SORCS3: variants seen among roughly 807,000 people sequenced by gnomAD.
SORCS3 encodes VPS10 domain-containing receptor SorCS3.
SORCS3 carries 57 observed loss-of-function variants against 146.3 expected under a neutral mutation model. The ratio of observed to expected loss-of-function variants is 0.39; its 90% CI spans 0.31 to 0.49. The LOEUF (loss-of-function observed/expected upper bound fraction) is 0.49. Ranked by LOEUF, SORCS3 falls within the 20% of genes least tolerant of loss-of-function variation. The pLI, the probability that SORCS3 is intolerant of heterozygous loss-of-function variation, is 0.92. For missense variants in SORCS3, 1,341 were observed against 1,575.5 expected, an observed-to-expected ratio of 0.85 and a Z score of 2.52; for synonymous variants, 653 against 618.5, an observed-to-expected ratio of 1.06 and a Z score of -0.83.
chr10:104,859,584 C>A (rs917122927), intron 2 of SORCS3, among the ~76,000 whole-genome samples: 2 of 152,216 alleles, frequency 1.3e-5, no homozygotes, highest in East Asian at 1.9e-4. Flanking sequence ...TAATTAAACT[C>A]AAGAGCTTCT....
At chr10:104,755,313 T>C (rs1369175863) in intron 1 of SORCS3, among the ~76,000 whole-genome samples, 2 of 152,216 alleles carry the variant, frequency 1.3e-5, no homozygotes, top group Non-Finnish European at 2.9e-5. Flanking sequence ...ATTCAGTCAC[T>C]CATTCATACA....
intron 1 of SORCS3, among the ~76,000 whole-genome samples, chr10:104,734,793 T>G (rs2016749014): frequency 6.6e-6 from 1 of 152,192 alleles, no homozygotes; most frequent in Non-Finnish European, 1.5e-5. Context: ...CAGACCTGGG[T>G]TTGATCCTAG....
At chr10:104,670,643 G>T (rs1589452622) in intron 1 of SORCS3, among the ~76,000 whole-genome samples, 1 of 152,168 alleles carries the variant, frequency 6.6e-6, no homozygotes, top group African/African-American at 2.4e-5. Flanking sequence ...TGCTTTTTCA[G>T]GACCGTTTTA....
intron 3 of SORCS3, among the ~76,000 whole-genome samples, chr10:104,973,507 T>C (rs1290416201): frequency 3.9e-5 from 6 of 151,968 alleles, no homozygotes; most frequent in Non-Finnish European, 7.4e-5. Context: ...TATTCTCTGA[T>C]GGTAGTTTGT....
intron 1 of SORCS3, among the ~76,000 whole-genome samples, chr10:104,727,380 A>T (rs991510796): frequency 6.6e-6 from 1 of 152,194 alleles, no homozygotes; most frequent in Admixed American, 6.5e-5. Context: ...CCAGAAATAC[A>T]TAACTACTAT....
At position 104,940,248 on chromosome 10, in the gene SORCS3, TTTTTTTTA is replaced by T. The variant is rs1242118195; in HGVS notation, c.795+24319_795+24326del. 7.4e-3 allele frequency among the ~76,000 whole-genome samples: 496 copies of T among 66,760 alleles called. 4 individuals are homozygous for T. The highest frequency in any genetic ancestry group is 0.019 in the African/African-American group (482 of 25,306). The allele number at this position is 66,760 out of a possible 152,430, so 43.8% of individuals were successfully genotyped here. ...TATATATATATATATATTTTTTTTT[TTTTTTTTA>T]TTATACTTTAAGTTCTAGGGTACAT... is the stretch of plus-strand genomic sequence containing the variant. On this transcript the variant is annotated intron_variant, in intron 3 of 26. Transcript: ENST00000369701.
At chr10:104,778,666 G>A (rs575665231) in intron 1 of SORCS3, among the ~76,000 whole-genome samples, 6 of 152,172 alleles carry the variant, frequency 3.9e-5, no homozygotes, top group Admixed American at 6.5e-5. Context: ...CCCAACGGTC[G>A]TCAACCACTA....
chr10:105,014,094 T>C (rs1364131853), intron 4 of SORCS3, among the ~76,000 whole-genome samples: 4 of 136,590 alleles, frequency 2.9e-5, no homozygotes, highest in East Asian at 4.3e-4. Flanking sequence ...CACACATATA[T>C]ATACATATAT....
intron 13 of SORCS3, 83 bp downstream of exon 13, chr10:105,167,432 T>G (rs1483183489): frequency 1.1e-6 from 1 of 882,720 alleles, no homozygotes; most frequent in East Asian, 2.5e-5. Context: ...TCTGCATGGT[T>G]TTGTACCCAT....
intron 3 of SORCS3, among the ~76,000 whole-genome samples, chr10:104,926,653 A>C (rs1336622486): frequency 2.0e-5 from 3 of 152,276 alleles, no homozygotes; most frequent in African/African-American, 7.2e-5. Context: ...AGTGTGACCC[A>C]GCAATGGAAT....
chr10:104,691,592 TC>T (rs1337914661), intron 1 of SORCS3, among the ~76,000 whole-genome samples: 1 of 152,200 alleles, frequency 6.6e-6, no homozygotes, highest in Non-Finnish European at 1.5e-5. Context: ...TTTTCTCTGT[TC>T]CTTTTGCTAA....
At chr10:104,782,448 G>A (rs1252241245) in intron 1 of SORCS3, among the ~76,000 whole-genome samples, 2 of 152,172 alleles carry the variant, frequency 1.3e-5, no homozygotes. Flanking sequence ...GAACCTGGGA[G>A]GATGACACAG....
intron 4 of SORCS3, among the ~76,000 whole-genome samples, chr10:104,986,740 T>C (rs1293151876): frequency 6.6e-6 from 1 of 152,188 alleles, no homozygotes; most frequent in Non-Finnish European, 1.5e-5. Context: ...GATAGGAGAA[T>C]TGTCAGTAGA....
chr10:104,681,163 A>C (rs1294145100), intron 1 of SORCS3, among the ~76,000 whole-genome samples: 1 of 152,200 alleles, frequency 6.6e-6, no homozygotes. Flanking sequence ...AGGCATGGGG[A>C]GACGCTCATG....
intron 4 of SORCS3, among the ~76,000 whole-genome samples, chr10:105,029,712 A>C (rs1173155324): frequency 6.6e-6 from 1 of 152,234 alleles, no homozygotes; most frequent in Non-Finnish European, 1.5e-5. Flanking sequence ...GAAGAAGCTT[A>C]TGACATTCCC....
chr10:104,653,760 G>C (rs192265357), intron 1 of SORCS3, among the ~76,000 whole-genome samples: 1 of 152,294 alleles, frequency 6.6e-6, no homozygotes, highest in African/African-American at 2.4e-5. Flanking sequence ...CATCATGGAA[G>C]ATGGGATATC....
chr10:104,920,451 C>A (rs867298668), intron 3 of SORCS3, among the ~76,000 whole-genome samples: 1 of 152,202 alleles, frequency 6.6e-6, no homozygotes, highest in South Asian at 2.1e-4. Context: ...CAGTAATCAT[C>A]CCAGGTAGCA....
chr10:104,822,910 A>G (rs553428743), intron 1 of SORCS3, among the ~76,000 whole-genome samples: 26 of 152,264 alleles, frequency 1.7e-4, no homozygotes, highest in African/African-American at 6.3e-4. Flanking sequence ...TATCTCTTAT[A>G]TCTTGGGATG....
At chr10:104,688,463 C>CA (rs1337105625) in intron 1 of SORCS3, among the ~76,000 whole-genome samples, 2 of 11,854 alleles carry the variant, frequency 1.7e-4, no homozygotes, top group Admixed American at 1.3e-3. Flanking sequence ...GCCTGCCAGC[C>CA]AGCGTGGGCA....
Sources: allele counts gnomAD v4.1 joint callset (sites outside exome capture counted in the v4.1 genomes callset), GRCh38; gene constraint gnomAD v4.1.1; transcripts MANE v1.5; gene names NCBI Gene and HGNC (gene_info 2026-07-23, HGNC 2026-07-21).